The following TRIO variants were observed in gnomAD, a reference collection of about 807,000 sequenced individuals.
TRIO encodes triple functional domain protein.
A neutral mutation model predicts 351.9 loss-of-function variants in TRIO; 58 were observed. The ratio of observed to expected loss-of-function variants is 0.16; its 90% CI spans 0.13 to 0.21. The LOEUF is 0.21. Ranked by LOEUF, TRIO falls within the 10% of genes least tolerant of loss-of-function variation. The pLI, the probability that TRIO is intolerant of heterozygous loss-of-function variation, is 1.00. For synonymous variants in TRIO, 1,758 were observed against 1,595.7 expected, an observed-to-expected ratio of 1.10 and a Z score of -2.42; for missense variants, 3,201 against 4,027.8, an observed-to-expected ratio of 0.79 and a Z score of 5.56.
At chr5:14,300,543 T>A (rs30635) in intron 7 of TRIO, among the ~76,000 whole-genome samples, 4 of 152,054 alleles carry the variant, frequency 2.6e-5, no homozygotes, top group South Asian at 2.1e-4. Context: ...TCCGATCACC[T>A]TAATTTATCT....
chr5:14,498,056 T>C, intron 51 of TRIO, 33 bp from the exon 52 acceptor site: 2 of 1,613,838 alleles, frequency 1.2e-6, no homozygotes, highest in Non-Finnish European at 8.5e-7. Context: ...GAGCCAGGGC[T>C]GATGGGCCTT....
chr5:14,396,441 A>ATTT (rs1579529919), intron 28 of TRIO, among the ~76,000 whole-genome samples: 2 of 57,692 alleles, frequency 3.5e-5, no homozygotes, highest in Admixed American at 2.1e-4. Context: ...ATTTCTATTT[A>ATTT]TCTTTTTTTT....
At chr5:14,144,459 C>T (rs926608323) in intron 1 of TRIO, among the ~76,000 whole-genome samples, 1 of 152,206 alleles carries the variant, frequency 6.6e-6, no homozygotes, top group African/African-American at 2.4e-5. Flanking sequence ...TGAAACGGGG[C>T]AGTCACGGCA....
rs1754525599 is a variant in TRIO at position 14,469,557 on chromosome 5, TCCAAAATCTGTGA to T, written c.5764-1760_5764-1748del. On this transcript the variant is annotated intron_variant, in intron 37 of 56. Transcript: ENST00000344204. ...CCCAGAGAGTTTCACAAATAATTCATCCAAAATCTGTGAAGTCCCAGTGGCTGCAGTTTTGAGA... is the reference window on the plus strand; with the variant it reads ...CCCAGAGAGTTTCACAAATAATTCATAGTCCCAGTGGCTGCAGTTTTGAGA... Among the ~76,000 whole-genome samples, 16 of 152,320 alleles carry T rather than the reference TCCAAAATCTGTGA, an allele frequency of 1.1e-4. 1 individual carries two copies. The highest frequency in any genetic ancestry group is 3.4e-4 in the African/African-American group (14 of 41,568).
intron 1 of TRIO, among the ~76,000 whole-genome samples, chr5:14,199,005 A>C (rs2152167593): frequency 6.6e-6 from 1 of 152,184 alleles, no homozygotes; most frequent in South Asian, 2.1e-4. Flanking sequence ...TGGAAGGCTG[A>C]GGTGGGCAAA....
intron 49 of TRIO, among the ~76,000 whole-genome samples, chr5:14,496,199 C>G (rs1167169902): frequency 1.3e-5 from 2 of 152,142 alleles, no homozygotes; most frequent in Admixed American, 1.3e-4. Context: ...ATAAACTTAA[C>G]TTTTATATGC....
At chr5:14,421,227 A>ATTTTATTTTATTTTAT (rs1276372956) in intron 34 of TRIO, among the ~76,000 whole-genome samples, 1 of 118,084 alleles carries the variant, frequency 8.5e-6, no homozygotes, top group African/African-American at 3.4e-5. Context: ...TTATTTATTT[A>ATTTTATTTTATTTTAT]TTTATTTTAT....
intron 1 of TRIO, among the ~76,000 whole-genome samples, chr5:14,262,994 T>C (rs950762385): frequency 1.6e-4 from 24 of 152,172 alleles, no homozygotes; most frequent in African/African-American, 5.8e-4. Flanking sequence ...ATGTTTTGTG[T>C]TTTTGTTTGT....
At chr5:14,247,441 A>T (rs1794503492) in intron 1 of TRIO, among the ~76,000 whole-genome samples, 1 of 152,256 alleles carries the variant, frequency 6.6e-6, no homozygotes, top group African/African-American at 2.4e-5. Context: ...CGTATATCCT[A>T]TTATGGTAAG....
chr5:14,311,395 C>A (rs531307126), intron 8 of TRIO, among the ~76,000 whole-genome samples: 1 of 152,154 alleles, frequency 6.6e-6, no homozygotes, highest in African/African-American at 2.4e-5. Flanking sequence ...GGAGGTCCAT[C>A]CAATAAGAAC....
chr5:14,229,676 A>G (rs1186511929), intron 1 of TRIO, among the ~76,000 whole-genome samples: 2 of 152,148 alleles, frequency 1.3e-5, no homozygotes, highest in South Asian at 2.1e-4. Flanking sequence ...ACTCTGTTGG[A>G]CCAAGCTCCC....
At position 14,488,833 on chromosome 5, in the gene TRIO, T is replaced by TC. The variant is rs1195736431; in HGVS notation, c.7632+574dup. ...GGAACGCTTTACGTCACCGTGTTGC[T>TC]CTGGAAGACAGAGACTGCTCTGGGC... On this transcript the variant is annotated intron_variant, in intron 48 of 56. Coordinates refer to ENST00000344204, the MANE Select transcript of TRIO (RefSeq NM_007118.4). 229 of 680,786 alleles carry TC rather than the reference T, an allele frequency of 3.4e-4. 3 individuals carry two copies. The South Asian group carries it at 3.5e-3, about 10-fold the overall frequency. The allele number at this position is 680,786 out of a possible 1,614,324, so 42.2% of individuals were successfully genotyped here.
chr5:14,476,517 C>CA (rs1755085068), intron 40 of TRIO, among the ~76,000 whole-genome samples: 1 of 152,210 alleles, frequency 6.6e-6, no homozygotes, highest in South Asian at 2.1e-4. Context: ...CCTGGCCAGG[C>CA]ACGGTGGCTC....
At chr5:14,459,455 T>A (rs1290579220) in intron 34 of TRIO, among the ~76,000 whole-genome samples, 1 of 152,260 alleles carries the variant, frequency 6.6e-6, no homozygotes, top group Admixed American at 6.5e-5. Context: ...GTGGAGCCCC[T>A]GAGCCAAGAG....
intron 37 of TRIO, among the ~76,000 whole-genome samples, chr5:14,469,172 A>C (rs1754494137): frequency 1.3e-5 from 2 of 152,238 alleles, no homozygotes; most frequent in Non-Finnish European, 2.9e-5. Flanking sequence ...AAAGAAAAGC[A>C]GAAGGAATGA....
At position 14,313,252 on chromosome 5, in the gene TRIO, T is replaced by C. The variant is rs547421928; in HGVS notation, c.1501-3261T>C. On this transcript the variant is annotated intron_variant, in intron 8 of 56. Coordinates refer to ENST00000344204, the MANE Select transcript of TRIO (RefSeq NM_007118.4). Reference sequence around the variant, plus strand: ...GAATTCTCAGAAGGTGGAGCTTTCCTTAATGAGTTGTTTTATGTTAAGGTA... The same window carrying C: ...GAATTCTCAGAAGGTGGAGCTTTCCCTAATGAGTTGTTTTATGTTAAGGTA... Among the ~76,000 whole-genome samples, 9 of 152,332 alleles carry C rather than the reference T, an allele frequency of 5.9e-5. No homozygotes were observed. In the South Asian group the frequency reaches 1.9e-3, roughly 32 times the overall value.
At chr5:14,259,256 T>C (rs747772712) in intron 1 of TRIO, among the ~76,000 whole-genome samples, 1 of 152,222 alleles carries the variant, frequency 6.6e-6, no homozygotes, top group African/African-American at 2.4e-5. Flanking sequence ...GTGTCAAAAT[T>C]TGTTTTCCCA....
intron 34 of TRIO, among the ~76,000 whole-genome samples, chr5:14,455,896 C>G (rs1180237140): frequency 6.6e-6 from 1 of 152,220 alleles, no homozygotes; most frequent in Non-Finnish European, 1.5e-5. Context: ...CACACCTGCA[C>G]TCCTCAGCCC....
intron 34 of TRIO, among the ~76,000 whole-genome samples, chr5:14,442,957 T>C (rs1458021643): frequency 1.3e-5 from 2 of 152,208 alleles, no homozygotes; most frequent in African/African-American, 4.8e-5. Context: ...GAACAAAATA[T>C]TTTAATGAAC....
Sources: gnomAD v4.1 joint callset for allele counts (sites outside exome capture counted in the v4.1 genomes callset) on GRCh38, gnomAD v4.1.1 for gene constraint, MANE v1.5 for transcripts, NCBI Gene and HGNC (gene_info 2026-07-23, HGNC 2026-07-21) for gene names.